Variants in BRWD1 observed in about 807,000 individuals in gnomAD.
The protein encoded by BRWD1 is bromodomain and WD repeat domain containing 1.
BRWD1 carries 82 observed loss-of-function variants against 251.2 expected under a neutral mutation model. The observed-to-expected ratio is 0.33, with a 90% CI of 0.27 to 0.39. The LOEUF (loss-of-function observed/expected upper bound fraction) is 0.39. BRWD1 is among the 10% of genes least tolerant of loss of function. The pLI is 1.00. For synonymous variants in BRWD1, 918 were observed against 902.8 expected, an observed-to-expected ratio of 1.02 and a Z score of -0.30; for missense variants, 2,233 against 2,711.6, an observed-to-expected ratio of 0.82 and a Z score of 3.92.
chr21:39,202,222 T>C (rs2032144231), intron 38 of BRWD1, 103 bp downstream of exon 38: 1 of 742,336 alleles, frequency 1.3e-6, no homozygotes, highest in Non-Finnish European at 2.1e-6. Flanking sequence ...GTTCTTTCAG[T>C]GTCAAGGCCA....
At chr21:39,315,250 C>T (rs1375964455), upstream of BRWD1, among the ~76,000 whole-genome samples, 1 of 152,004 alleles carries the variant, frequency 6.6e-6, no homozygotes, top group Non-Finnish European at 1.5e-5. Flanking sequence ...GTGATCCACC[C>T]GCCTTGGCCT....
intron 5 of BRWD1, chr21:39,298,143 T>A: frequency 9.5e-7 from 1 of 1,054,070 alleles, no homozygotes; most frequent in Non-Finnish European, 1.1e-6. Flanking sequence ...AGCTACAAAA[T>A]GGAAAATTAA....
In BRWD1 at chr21:39,190,037, G is replaced by A. The variant is rs1237055294; in HGVS notation, c.*6222C>T. 1.0e-6 allele frequency: 1 copy of A among 985,238 alleles called. No homozygotes were observed. The highest frequency in any genetic ancestry group is 1.7e-5 in the African/African-American group (1 of 57,226). 61.0% of individuals were successfully genotyped at this position (985,238 alleles called of 1,614,324 possible). ...GGTATGGCAAGAACACATCAGTAGT[G>A]TAAAACTGTACATCTGTAGTAGCAC... On this transcript the variant is annotated 3_prime_UTR_variant, in exon 41 of 41. Transcript: ENST00000342449.
chr21:39,189,546 T>C lies in BRWD1; in HGVS notation c.*6713A>G, dbSNP rs1192350087. The C allele has an allele frequency of 1.0e-6, 1 of 983,852 alleles. No individual in the cohort carries two copies. Among genetic ancestry groups the C allele is most frequent in the Non-Finnish European group, 1.2e-6 (1 of 828,672 alleles). The allele number at this position is 983,852 out of a possible 1,614,324, so 60.9% of individuals were successfully genotyped here. A position where few individuals can be genotyped will look rare whatever the true frequency, so the allele number is the denominator to read the frequency against. On this transcript the variant is annotated 3_prime_UTR_variant, in exon 41 of 41. Transcript: ENST00000342449. ...AAGGAAATTTGAACTTCAGTAACTA[T>C]GCCCAAGGGAGGGAGAATTTGAATT...
At chr21:39,298,676 C>T (rs2036023656) in intron 4 of BRWD1, 94 bp from the exon 5 acceptor site, 5 of 989,930 alleles carry the variant, frequency 5.1e-6, no homozygotes, top group Non-Finnish European at 7.1e-6. Flanking sequence ...GAAAAACATA[C>T]ACTGAAAACT....
chr21:39,240,460 C>T (rs1239116774), intron 21 of BRWD1, among the ~76,000 whole-genome samples: 1 of 152,232 alleles, frequency 6.6e-6, no homozygotes, highest in Non-Finnish European at 1.5e-5. Context: ...CACCACTGCA[C>T]TCCAGCCTGG....
At chr21:39,239,949 T>C (rs1041058667) in intron 21 of BRWD1, among the ~76,000 whole-genome samples, 4 of 152,180 alleles carry the variant, frequency 2.6e-5, no homozygotes, top group Admixed American at 1.3e-4. Flanking sequence ...CAGATGTTTA[T>C]ACCAACTTTA....
intron 5 of BRWD1, 45 bp from the exon 6 acceptor site, chr21:39,296,408 C>T (rs745439603): frequency 6.7e-7 from 1 of 1,499,058 alleles, no homozygotes; most frequent in Admixed American, 2.4e-5. Context: ...GAAAGTTAAC[C>T]CCAAGAAAGA....
intron 17 of BRWD1, among the ~76,000 whole-genome samples, chr21:39,260,595 A>G (rs1300792350): frequency 1.3e-5 from 2 of 152,214 alleles, no homozygotes. Context: ...CTTCTGCCAT[A>G]AACAACTACA....
intron 15 of BRWD1, among the ~76,000 whole-genome samples, chr21:39,268,035 A>C (rs2034980004): frequency 6.6e-6 from 1 of 152,248 alleles, no homozygotes; most frequent in South Asian, 2.1e-4. Flanking sequence ...GGAAAAAAAA[A>C]TACCACTGTG....
chr21:39,313,540 T>A lies in BRWD1; in HGVS notation c.-49A>T. On this transcript the variant is annotated 5_prime_UTR_variant, in exon 1 of 41. Coordinates refer to ENST00000342449, the MANE Select transcript of BRWD1 (RefSeq NM_033656.4). ...GGAGCGAGCGAGCGAGCGGAGCGTG[T>A]AGGCCGCGCCGAGGCCTGACCGGGC... 1 of 1,310,922 alleles carries A rather than the reference T, an allele frequency of 7.6e-7. No individual in the cohort carries two copies. The highest frequency in any genetic ancestry group is 1.6e-5 in the African/African-American group (1 of 64,298). The allele number at this position is 1,310,922 out of a possible 1,614,324, so 81.2% of individuals were successfully genotyped here.
chr21:39,314,924 G>A (rs780789340), upstream of BRWD1: 2 of 153,118 alleles, frequency 1.3e-5, no homozygotes, highest in Non-Finnish European at 2.9e-5. Flanking sequence ...TCTCAAAGTT[G>A]TGAGGATTTA....
intron 20 of BRWD1, among the ~76,000 whole-genome samples, chr21:39,248,569 T>C (rs2034277674): frequency 1.4e-5 from 2 of 144,184 alleles, no homozygotes; most frequent in Non-Finnish European, 3.0e-5. Context: ...GCCCAGGAGG[T>C]TGACGCTGCA....
chr21:39,189,006 T>TA lies in BRWD1; in HGVS notation c.*7252dup. Reference sequence around the variant, plus strand: ...GAAGTGGCTTAAAGTGCACTGTGTTTACCACTTCAAAGACACTTCTCTTGG... The same window carrying TA: ...GAAGTGGCTTAAAGTGCACTGTGTTTAACCACTTCAAAGACACTTCTCTTGG... On this transcript the variant is annotated 3_prime_UTR_variant, in exon 41 of 41. Transcript: ENST00000342449. 1.0e-6 allele frequency: 1 copy of TA among 985,422 alleles called. No individual in the cohort carries two copies. Among genetic ancestry groups the TA allele is most frequent in the Non-Finnish European group, 1.2e-6 (1 of 829,918 alleles). 61.0% of individuals were successfully genotyped at this position (985,422 alleles called of 1,614,324 possible). A position where few individuals can be genotyped will look rare whatever the true frequency, so the allele number is the denominator to read the frequency against.
chr21:39,187,321 G>A lies in BRWD1; in HGVS notation c.*8938C>T. 6.2e-7 allele frequency: 1 copy of A among 1,613,834 alleles called. No individual in the cohort carries two copies. The highest frequency in any genetic ancestry group is 1.1e-5 in the South Asian group (1 of 91,080). ...GGGAACTTTCTCAGGTACCATTTTT[G>A]CTTTCAGAGTTTCACTAGGCATCTG... On this transcript the variant is annotated 3_prime_UTR_variant, in exon 41 of 41. Coordinates refer to ENST00000342449, the MANE Select transcript of BRWD1 (RefSeq NM_033656.4).
chr21:39,313,605 C>G lies in BRWD1; in HGVS notation c.-114G>C, dbSNP rs1422028966. On this transcript the variant is annotated 5_prime_UTR_variant, in exon 1 of 41. Transcript: ENST00000342449. ...CTCAGGCGCGCGCCGCCGCCGCCGC[C>G]GCCGCCGCCATACCGTGCGCGCCGC... 1.2e-6 allele frequency: 1 copy of G among 856,612 alleles called. No individual in the cohort carries two copies. Among genetic ancestry groups the G allele is most frequent in the African/African-American group, 1.8e-5 (1 of 55,488 alleles). The allele number at this position is 856,612 out of a possible 1,614,324, so 53.1% of individuals were successfully genotyped here.
At position 39,298,550 on chromosome 21, in the gene BRWD1, A is replaced by G. The variant is rs1445348527; in HGVS notation, c.231T>C (p.His77=). The G allele has an allele frequency of 1.2e-6, 2 of 1,604,712 alleles. No homozygotes were observed. Among genetic ancestry groups the G allele is most frequent in the Admixed American group, 1.7e-5 (1 of 57,608 alleles). ...CGATGCGCTGGCAGATTTGCAAAAG[A>G]TGATCAGGAGCCACATGCTTATTGG... is the stretch of plus-strand genomic sequence containing the variant. The part of the protein sequence containing the change: ...VLSNKHVAPD[H]LLQICQRIGP... Residue 77 remains histidine, a synonymous_variant, in exon 5 of 41, where the codon CAT becomes CAC. Coordinates refer to ENST00000342449, the MANE Select transcript of BRWD1 (RefSeq NM_033656.4).
rs2031958883 is a variant in BRWD1, at chr21:39,198,856, T to C, written c.5560A>G (p.Ile1854Val). The C allele has an allele frequency of 1.2e-6, 2 of 1,613,690 alleles. No homozygotes were observed. The highest frequency in any genetic ancestry group is 1.7e-6 in the Non-Finnish European group (2 of 1,179,708). Residue 1854 changes from isoleucine (I) to valine (V), a missense_variant, in exon 40 of 41, where the codon ATT (isoleucine) becomes GTT (valine). By Grantham distance (29) the Ile-to-Val change is conservative (BLOSUM62 3). Around this residue, in one of 12 missense-constraint regions of BRWD1, gnomAD observed 928 missense variants for 970.0 expected, o/e 0.96. Coordinates refer to ENST00000342449, the MANE Select transcript of BRWD1 (RefSeq NM_033656.4). ...PISGNLNCDPIAMSQCSSDHG... is the reference protein window; with the variant it reads ...PISGNLNCDPVAMSQCSSDHG... ...TCTGAGGAACACTGGGACATAGCAA[T>C]AGGGTCACAGTTCAGATTTCCTGAA...
At chr21:39,307,771 G>C (rs114264737) in intron 4 of BRWD1, among the ~76,000 whole-genome samples, 1 of 152,148 alleles carries the variant, frequency 6.6e-6, no homozygotes. Flanking sequence ...TTTCCCACAA[G>C]TCTTGAAACT....
Sources: gnomAD v4.1 joint callset for allele counts (sites outside exome capture counted in the v4.1 genomes callset) on GRCh38, gnomAD v4.1.1 for gene constraint, gnomAD v4.1.1 regional missense constraint, MANE v1.5 for transcripts, NCBI Gene and HGNC (gene_info 2026-07-23, HGNC 2026-07-21) for gene names.